AFG2A: variants seen among roughly 807,000 people sequenced by gnomAD.
AFG2A encodes ATPase family gene 2 protein homolog A.
the AFG2A span, among the ~76,000 whole-genome samples, chr4:122,935,059 T>C: frequency 6.6e-6 from 1 of 152,204 alleles, no homozygotes; most frequent in Non-Finnish European, 1.5e-5. Context: ...ACCATTCAAA[T>C]ACATTAGGTA....
chr4:123,073,181 T>A, the AFG2A span, among the ~76,000 whole-genome samples: 818 of 151,952 alleles, frequency 5.4e-3, 7 homozygotes, highest in African/African-American at 0.018. Context: ...CTTTTTTTTT[T>A]AAACTGAAAA....
the AFG2A span, among the ~76,000 whole-genome samples, chr4:123,297,922 T>C: frequency 1.3e-5 from 2 of 151,972 alleles, no homozygotes; most frequent in Non-Finnish European, 2.9e-5. Context: ...AATTTACATA[T>C]ACATAGAAAA....
chr4:122,927,171 C>T, the AFG2A span, among the ~76,000 whole-genome samples: 9 of 152,138 alleles, frequency 5.9e-5, no homozygotes, highest in African/African-American at 1.9e-4. Context: ...ACTCTCTTTA[C>T]GTATTCTTGG....
chr4:123,090,817 A>G, the AFG2A span: 1 of 1,441,214 alleles, frequency 6.9e-7, no homozygotes, highest in South Asian at 1.4e-5. Context: ...TTTAGAGGAT[A>G]TTGAAGAATG....
chr4:123,313,890 T>G, the AFG2A span: 1 of 1,567,956 alleles, frequency 6.4e-7, no homozygotes, highest in Non-Finnish European at 8.6e-7. Context: ...AATTTCAGAT[T>G]GTAGCTGTCT....
At chr4:123,093,535 C>G in the AFG2A span, among the ~76,000 whole-genome samples, 5 of 152,154 alleles carry the variant, frequency 3.3e-5, no homozygotes, top group African/African-American at 1.2e-4. Context: ...TCACTTTGCC[C>G]CATGTGGACT....
At chr4:123,001,733 C>T in the AFG2A span, among the ~76,000 whole-genome samples, 1 of 152,060 alleles carries the variant, frequency 6.6e-6, no homozygotes, top group Non-Finnish European at 1.5e-5. Flanking sequence ...ACTATGTGGT[C>T]AATTTTGGAA....
chr4:123,154,278 A>G, the AFG2A span, among the ~76,000 whole-genome samples: 1 of 152,142 alleles, frequency 6.6e-6, no homozygotes, highest in Non-Finnish European at 1.5e-5. Context: ...GTTTAATGTT[A>G]AAACCGATAT....
the AFG2A span, among the ~76,000 whole-genome samples, chr4:123,212,056 T>G: frequency 3.9e-3 from 598 of 152,276 alleles, 14 homozygotes; most frequent in East Asian, 0.055. Context: ...TGCTATTGTT[T>G]TACCATGAGT....
chr4:123,279,156 C>T, the AFG2A span, among the ~76,000 whole-genome samples: 2 of 152,272 alleles, frequency 1.3e-5, no homozygotes, highest in African/African-American at 4.8e-5. Flanking sequence ...TGGCTCATGC[C>T]TGTAATCCCA....
the AFG2A span, among the ~76,000 whole-genome samples, chr4:123,273,921 G>A: frequency 3.9e-5 from 6 of 152,120 alleles, no homozygotes; most frequent in African/African-American, 1.4e-4. Context: ...GAGGTGACAG[G>A]TAATCTCTTA....
chr4:123,010,795 G>C, the AFG2A span, among the ~76,000 whole-genome samples: 1 of 152,164 alleles, frequency 6.6e-6, no homozygotes, highest in Non-Finnish European at 1.5e-5. Context: ...CTGTGCCTGA[G>C]ATACATGTCC....
At chr4:123,240,839 C>T in the AFG2A span, among the ~76,000 whole-genome samples, 1 of 151,966 alleles carries the variant, frequency 6.6e-6, no homozygotes, top group East Asian at 1.9e-4. Context: ...TCAATGAATC[C>T]AGGAGCTGGT....
chr4:123,020,037 A>G, the AFG2A span, among the ~76,000 whole-genome samples: 1 of 152,168 alleles, frequency 6.6e-6, no homozygotes, highest in Non-Finnish European at 1.5e-5. Flanking sequence ...TTGGGCACCC[A>G]TCAAGGCTTT....
chr4:123,061,958 A>G, the AFG2A span, among the ~76,000 whole-genome samples: 1 of 152,200 alleles, frequency 6.6e-6, no homozygotes, highest in Non-Finnish European at 1.5e-5. Flanking sequence ...ACCAGATGGG[A>G]GGTAGAATAT....
chr4:122,925,534 G>A, the AFG2A span, among the ~76,000 whole-genome samples: 5 of 152,066 alleles, frequency 3.3e-5, no homozygotes, highest in Admixed American at 1.3e-4. Flanking sequence ...CTGAGGATGC[G>A]CCATACCCCC....
chr4:123,150,286 A>G, the AFG2A span, among the ~76,000 whole-genome samples: 7 of 152,208 alleles, frequency 4.6e-5, no homozygotes, highest in Non-Finnish European at 1.5e-5. Flanking sequence ...GCAATCAGGC[A>G]AGAGAAAGAA....
chr4:123,258,238 G>T, the AFG2A span, among the ~76,000 whole-genome samples: 1 of 152,196 alleles, frequency 6.6e-6, no homozygotes, highest in Non-Finnish European at 1.5e-5. Flanking sequence ...TTTGTTCCCT[G>T]TTGAGGGTTT....
At chr4:123,231,315 G>GACC in the AFG2A span, among the ~76,000 whole-genome samples, 829 of 152,064 alleles carry the variant, frequency 5.5e-3, 5 homozygotes, top group Middle Eastern at 0.027. Context: ...CTTGCTGCCT[G>GACC]ACCATGCACT....
Sources: gnomAD v4.1 joint callset for allele counts (sites outside exome capture counted in the v4.1 genomes callset) on GRCh38, gnomAD v4.1.1 for gene constraint, MANE v1.5 for transcripts, NCBI Gene and HGNC (gene_info 2026-07-23, HGNC 2026-07-21) for gene names.